The following ERBIN variants were observed in gnomAD, a reference collection of about 807,000 sequenced individuals.
ERBIN encodes erbb2 interacting protein.
A neutral mutation model predicts 158.4 loss-of-function variants in ERBIN; 60 were observed. The observed-to-expected ratio is 0.38, with a 90% CI of 0.31 to 0.47. The LOEUF (loss-of-function observed/expected upper bound fraction) is 0.47. Among genes scored for constraint, ERBIN ranks in the 20% least tolerant of loss-of-function variants. The probability of loss-of-function intolerance (pLI) is 0.99; values close to 1 mark genes in which losing one functional copy is unlikely to be tolerated. For synonymous variants in ERBIN, 594 were observed against 557.2 expected, an observed-to-expected ratio of 1.07 and a Z score of -0.93; for missense variants, 1,610 against 1,648.0, an observed-to-expected ratio of 0.98 and a Z score of 0.40.
At chr5:65,998,776 G>A (rs1026261086) in intron 4 of ERBIN, among the ~76,000 whole-genome samples, 3 of 151,666 alleles carry the variant, frequency 2.0e-5, no homozygotes, top group Non-Finnish European at 4.4e-5. Flanking sequence ...ATGTGCCTGT[G>A]GTTCCGACTA....
At chr5:66,061,770 C>G (rs1760391759) in intron 21 of ERBIN, among the ~76,000 whole-genome samples, 1 of 152,118 alleles carries the variant, frequency 6.6e-6, no homozygotes, top group Non-Finnish European at 1.5e-5. Flanking sequence ...ATTTGCTTGT[C>G]TGTAAGGTAT....
intron 1 of ERBIN, among the ~76,000 whole-genome samples, chr5:65,930,397 C>T (rs897146635): frequency 1.2e-4 from 18 of 152,250 alleles, no homozygotes; most frequent in African/African-American, 3.6e-4. Flanking sequence ...GCTGCGCCTC[C>T]CCCAGGTTCA....
At chr5:65,933,645 C>G (rs1240451443) in intron 1 of ERBIN, among the ~76,000 whole-genome samples, 1 of 152,132 alleles carries the variant, frequency 6.6e-6, no homozygotes, top group Non-Finnish European at 1.5e-5. Context: ...CCACTTTCTT[C>G]TTGTTTTGGG....
chr5:66,050,986 A>T lies in ERBIN; in HGVS notation c.2087+20A>T. 1 of 1,527,758 alleles carries T rather than the reference A, an allele frequency of 6.5e-7. No individual in the cohort carries two copies. The highest frequency in any genetic ancestry group is 8.9e-7 in the Non-Finnish European group (1 of 1,122,476). 94.6% of individuals were successfully genotyped at this position (1,527,758 alleles called of 1,614,324 possible). A position where few individuals can be genotyped will look rare whatever the true frequency, so the allele number is the denominator to read the frequency against. ...AATCAGGTGTGTGAACCTCTTTTAC[A>T]GTTTTTTATTTATACAATAAATAGA... On this transcript the variant is annotated intron_variant, in intron 20 of 25. Coordinates refer to ENST00000284037, the MANE Select transcript of ERBIN (RefSeq NM_001253697.2).
intron 3 of ERBIN, among the ~76,000 whole-genome samples, chr5:65,994,267 A>C (rs1461946966): frequency 6.6e-6 from 1 of 152,168 alleles, no homozygotes; most frequent in Non-Finnish European, 1.5e-5. Context: ...CTCCTTCTCT[A>C]ATCACCACCA....
chr5:66,081,136 CTT>C lies in ERBIN; in HGVS notation c.*2609_*2610del, dbSNP rs1762367717. 1 of 151,862 alleles carries C rather than the reference CTT, an allele frequency of 6.6e-6. No homozygotes were observed. 9.4% of individuals were successfully genotyped at this position (151,862 alleles called of 1,614,324 possible). A position where few individuals can be genotyped will look rare whatever the true frequency, so the allele number is the denominator to read the frequency against. ...AGCAATTCATCAAAACCACAACTGTCTTTTAGTGATTTTGTCTTTAAGAGTAA... is the reference window on the plus strand; with the variant it reads ...AGCAATTCATCAAAACCACAACTGTCTTAGTGATTTTGTCTTTAAGAGTAA... On this transcript the variant is annotated 3_prime_UTR_variant, in exon 26 of 26. Transcript: ENST00000284037.
At chr5:66,004,639 A>G (rs78899234) in intron 4 of ERBIN, among the ~76,000 whole-genome samples, 2,037 of 152,204 alleles carry the variant, frequency 0.013, 24 homozygotes, top group South Asian at 0.043. Flanking sequence ...GTGACCTCAA[A>G]TGATCTGCCC....
chr5:66,070,534 T>C (rs1441265085), intron 21 of ERBIN, among the ~76,000 whole-genome samples: 1 of 152,206 alleles, frequency 6.6e-6, no homozygotes, highest in Non-Finnish European at 1.5e-5. Context: ...TTTTTTAATT[T>C]GGAGCCTTTG....
At chr5:65,945,631 A>G (rs562976843) in intron 1 of ERBIN, among the ~76,000 whole-genome samples, 1 of 152,332 alleles carries the variant, frequency 6.6e-6, no homozygotes, top group South Asian at 2.1e-4. Context: ...TAAAACTTAA[A>G]TATATAAACT....
rs2151319025 is a variant in ERBIN, at chr5:66,079,980, G to GA, written c.*1456dup. Reference sequence around the variant, plus strand: ...GATTAATGCATGGTTATTTGGACCAGAAAAAAGTGCCATAGAAGACCAATA... The same window carrying GA: ...GATTAATGCATGGTTATTTGGACCAGAAAAAAAGTGCCATAGAAGACCAATA... On this transcript the variant is annotated 3_prime_UTR_variant, in exon 26 of 26. Transcript: ENST00000284037. 6.6e-6 allele frequency: 1 copy of GA among 152,224 alleles called. No homozygotes were observed. The highest frequency in any genetic ancestry group is 1.5e-5 in the Non-Finnish European group (1 of 67,980). 9.4% of individuals were successfully genotyped at this position (152,224 alleles called of 1,614,324 possible).
chr5:66,038,884 A>G (rs897774568), intron 15 of ERBIN, among the ~76,000 whole-genome samples: 3 of 151,890 alleles, frequency 2.0e-5, no homozygotes, highest in Non-Finnish European at 4.4e-5. Flanking sequence ...TATAAATACT[A>G]CTCTTAAATT....
chr5:65,962,862 A>T (rs1465237231), intron 1 of ERBIN, among the ~76,000 whole-genome samples: 2 of 152,192 alleles, frequency 1.3e-5, no homozygotes, highest in East Asian at 3.8e-4. Flanking sequence ...TCTAAAATTT[A>T]AAACTTTGAA....
chr5:66,075,294 TTAA>T (rs1580555709), intron 23 of ERBIN, 64 bp downstream of exon 23: 2 of 1,290,770 alleles, frequency 1.5e-6, no homozygotes. Flanking sequence ...TATAGGTTAC[TTAA>T]TTATTAGTAA....
Position 66,082,543 on chromosome 5 carries a change from A to G in ERBIN, c.*4013A>G, listed in dbSNP as rs1212160504. 2.0e-5 allele frequency: 3 copies of G among 152,226 alleles called. No individual in the cohort carries two copies. Among genetic ancestry groups the G allele is most frequent in the Non-Finnish European group, 2.9e-5 (2 of 68,034 alleles). The allele number at this position is 152,226 out of a possible 1,614,324, so 9.4% of individuals were successfully genotyped here. On this transcript the variant is annotated 3_prime_UTR_variant, in exon 26 of 26. Coordinates refer to ENST00000284037, the MANE Select transcript of ERBIN (RefSeq NM_001253697.2). ...GATTCAATAAAGCTTATTTTTCATG[A>G]AAACAAGCCTATAAATACTGACTTT...
intron 1 of ERBIN, among the ~76,000 whole-genome samples, chr5:65,979,444 T>C (rs1477345478): frequency 6.6e-6 from 1 of 152,052 alleles, no homozygotes; most frequent in Non-Finnish European, 1.5e-5. Flanking sequence ...GCAAACCAAA[T>C]GAGTAAAAAT....
intron 1 of ERBIN, among the ~76,000 whole-genome samples, chr5:65,973,220 A>C (rs997943733): frequency 2.7e-5 from 4 of 148,548 alleles, no homozygotes; most frequent in Non-Finnish European, 5.9e-5. Flanking sequence ...ACTTGGACAC[A>C]GGAAGGGGAA....
intron 1 of ERBIN, among the ~76,000 whole-genome samples, chr5:65,941,187 C>T (rs889933661): frequency 2.0e-5 from 3 of 151,898 alleles, no homozygotes; most frequent in African/African-American, 7.3e-5. Flanking sequence ...TGTGGAAGGC[C>T]GCAGGGTCCT....
intron 1 of ERBIN, among the ~76,000 whole-genome samples, chr5:65,932,836 G>A (rs772524181): frequency 2.0e-5 from 3 of 152,060 alleles, no homozygotes; most frequent in Non-Finnish European, 4.4e-5. Context: ...TCACTGTGTT[G>A]CCCAGGCTGG....
intron 1 of ERBIN, among the ~76,000 whole-genome samples, chr5:65,965,039 C>T (rs184367380): frequency 6.6e-6 from 1 of 150,960 alleles, no homozygotes; most frequent in Non-Finnish European, 1.5e-5. Context: ...GATCCTCCCC[C>T]CTCAGCCTCC....
Sources: allele counts gnomAD v4.1 joint callset (sites outside exome capture counted in the v4.1 genomes callset), GRCh38; gene constraint gnomAD v4.1.1; transcripts MANE v1.5; gene names NCBI Gene and HGNC (gene_info 2026-07-23, HGNC 2026-07-21).